The following LDLRAD4 variants were observed in gnomAD, a reference collection of about 807,000 sequenced individuals.
LDLRAD4 encodes the protein low-density lipoprotein receptor class A domain-containing protein 4.
In LDLRAD4, 5 loss-of-function variants were observed where a neutral mutation model predicts 17.0. The ratio of observed to expected loss-of-function variants is 0.29; its 90% CI spans 0.15 to 0.62. The LOEUF is 0.62. LDLRAD4 is among the 20% of genes least tolerant of loss of function. The pLI is 0.84. For synonymous variants in LDLRAD4, 168 were observed against 171.8 expected, an observed-to-expected ratio of 0.98 and a Z score of 0.17; for missense variants, 340 against 424.7, an observed-to-expected ratio of 0.80 and a Z score of 1.75.
At chr18:13,371,663 G>T (rs1334056707) in intron 1 of LDLRAD4, among the ~76,000 whole-genome samples, 1 of 152,076 alleles carries the variant, frequency 6.6e-6, no homozygotes, top group Non-Finnish European at 1.5e-5. Flanking sequence ...GACTTGGGAG[G>T]CTGAGGCAGG....
intron 1 of LDLRAD4, among the ~76,000 whole-genome samples, chr18:13,347,293 C>T (rs1359171554): frequency 2.0e-5 from 3 of 152,148 alleles, no homozygotes; most frequent in Non-Finnish European, 4.4e-5. Flanking sequence ...TCAGCATTTG[C>T]TTGTCTGTAA....
At chr18:13,252,813 G>A (rs750229405) in intron 1 of LDLRAD4, among the ~76,000 whole-genome samples, 9 of 152,248 alleles carry the variant, frequency 5.9e-5, no homozygotes, top group African/African-American at 9.6e-5. Flanking sequence ...CTGTTTCTGC[G>A]CAGGGATGTC....
upstream of LDLRAD4, chr18:13,218,069 G>C (rs1360844779): frequency 6.6e-6 from 1 of 151,834 alleles, no homozygotes; most frequent in Non-Finnish European, 1.5e-5. Context: ...GGCAGTCCCC[G>C]CCTCCGCTCC....
At chr18:13,442,596 G>A (rs919159015) in intron 3 of LDLRAD4, among the ~76,000 whole-genome samples, 2 of 152,232 alleles carry the variant, frequency 1.3e-5, no homozygotes, top group African/African-American at 2.4e-5. Flanking sequence ...CCTAGGACGG[G>A]CCACCTGCTG....
chr18:13,529,969 C>T (rs780085189), intron 3 of LDLRAD4, among the ~76,000 whole-genome samples: 3 of 152,116 alleles, frequency 2.0e-5, no homozygotes, highest in Non-Finnish European at 4.4e-5. Flanking sequence ...GAAGCTTTCT[C>T]TTTTGAAATA....
chr18:13,280,965 A>G (rs1190382315), intron 1 of LDLRAD4, among the ~76,000 whole-genome samples: 6 of 152,204 alleles, frequency 3.9e-5, no homozygotes, highest in Non-Finnish European at 8.8e-5. Context: ...AAGAGGACCA[A>G]TAGTACTGGG....
intron 3 of LDLRAD4, among the ~76,000 whole-genome samples, chr18:13,508,980 A>G (rs2093736805): frequency 6.6e-6 from 1 of 152,192 alleles, no homozygotes; most frequent in African/African-American, 2.4e-5. Context: ...TGCCATTAAG[A>G]ACATTCATGA....
chr18:13,475,989 CAG>C (rs2092929919), intron 3 of LDLRAD4, among the ~76,000 whole-genome samples: 1 of 152,120 alleles, frequency 6.6e-6, no homozygotes. Context: ...GGGTGTTTGT[CAG>C]GGGAACGGGA....
chr18:13,407,933 C>T (rs1001766373), intron 2 of LDLRAD4, among the ~76,000 whole-genome samples: 1 of 152,226 alleles, frequency 6.6e-6, no homozygotes, highest in African/African-American at 2.4e-5. Flanking sequence ...CGGCACCCCC[C>T]TGCCCATTTC....
At chr18:13,597,595 A>C (rs2095111149) in intron 3 of LDLRAD4, among the ~76,000 whole-genome samples, 2 of 149,408 alleles carry the variant, frequency 1.3e-5, no homozygotes, top group African/African-American at 4.9e-5. Flanking sequence ...TTTTTATCTA[A>C]GGCTCTACTT....
intron 2 of LDLRAD4, among the ~76,000 whole-genome samples, chr18:13,412,324 T>C (rs1283082447): frequency 6.6e-6 from 1 of 152,216 alleles, no homozygotes; most frequent in Non-Finnish European, 1.5e-5. Context: ...ACACCCAGCC[T>C]CTGTTCTTTC....
At chr18:13,454,716 A>G (rs1423492018) in intron 3 of LDLRAD4, among the ~76,000 whole-genome samples, 2 of 152,154 alleles carry the variant, frequency 1.3e-5, no homozygotes, top group Non-Finnish European at 2.9e-5. Flanking sequence ...GGGCACAGGC[A>G]CAGATGAGCT....
rs546019298 is a variant in LDLRAD4 at position 13,479,062 on chromosome 18, C to G, written c.181+40678C>G. 1.3e-4 allele frequency among the ~76,000 whole-genome samples: 20 copies of G among 152,312 alleles called. No homozygotes were observed. The South Asian group carries it at 4.1e-3, about 32-fold the overall frequency. ...ACAAATGGTACTGAAACAGCTGGCT[C>G]TCCACATGCACACACAAAAAATTGA... is the stretch of plus-strand genomic sequence containing the variant. On this transcript the variant is annotated intron_variant, in intron 3 of 5. Coordinates refer to ENST00000359446, the Ensembl canonical transcript of LDLRAD4.
chr18:13,441,232 T>G (rs989296866), intron 3 of LDLRAD4, among the ~76,000 whole-genome samples: 7 of 151,420 alleles, frequency 4.6e-5, no homozygotes, highest in African/African-American at 1.7e-4. Context: ...TGTTAATAGC[T>G]GTGAACAAGC....
intron 3 of LDLRAD4, among the ~76,000 whole-genome samples, chr18:13,602,916 A>G (rs866443105): frequency 1.4e-4 from 22 of 152,316 alleles, no homozygotes; most frequent in Middle Eastern, 3.4e-3. Flanking sequence ...AAGGAATCCT[A>G]TTGGAGAGGA....
intron 3 of LDLRAD4, among the ~76,000 whole-genome samples, chr18:13,606,189 T>C (rs188622559): frequency 2.4e-4 from 36 of 152,344 alleles, no homozygotes; most frequent in African/African-American, 7.9e-4. Flanking sequence ...ATAAAAACTT[T>C]ATACTGCCTC....
At chr18:13,238,742 C>G (rs1801564760) in intron 1 of LDLRAD4, among the ~76,000 whole-genome samples, 3 of 152,170 alleles carry the variant, frequency 2.0e-5, no homozygotes, top group Non-Finnish European at 4.4e-5. Flanking sequence ...GGCAGCCTCT[C>G]CCGGGTGGTG....
chr18:13,338,364 C>T (rs190855206), intron 1 of LDLRAD4, among the ~76,000 whole-genome samples: 1 of 151,984 alleles, frequency 6.6e-6, no homozygotes, highest in Admixed American at 6.6e-5. Flanking sequence ...CTTTTCTATC[C>T]AGGTTCCCAA....
rs1568415710 is a variant in LDLRAD4 at position 13,619,553 on chromosome 18, T to TCC, written c.182-1563_182-1562dup. Among the ~76,000 whole-genome samples, 618 of 149,020 alleles carry TCC rather than the reference T, an allele frequency of 4.1e-3. 4 individuals are homozygous for TCC. The highest frequency in any genetic ancestry group is 0.015 in the African/African-American group (582 of 39,326). On this transcript the variant is annotated intron_variant, in intron 3 of 5. Transcript: ENST00000359446. Reference sequence around the variant, plus strand: ...GGGTGGCACATATAAGTGTGGCAGCTCCAATGGACATTTCCTCCCCATAGG... The same window carrying TCC: ...GGGTGGCACATATAAGTGTGGCAGCTCCCCAATGGACATTTCCTCCCCATAGG...
Sources: gnomAD v4.1 joint callset for allele counts (sites outside exome capture counted in the v4.1 genomes callset) on GRCh38, gnomAD v4.1.1 for gene constraint, MANE v1.5 for transcripts, NCBI Gene and HGNC (gene_info 2026-07-23, HGNC 2026-07-21) for gene names.